HTR2C: variants seen among roughly 807,000 people sequenced by gnomAD.
HTR2C encodes the protein 5-hydroxytryptamine receptor 2C.
Under a neutral mutation model 21.0 loss-of-function variants are expected in HTR2C, and 5 were observed. The ratio of observed to expected loss-of-function variants is 0.24; its 90% CI spans 0.12 to 0.50. The LOEUF is 0.50. HTR2C is among the 20% of genes least tolerant of loss of function. The pLI is 0.98. For synonymous variants in HTR2C, 150 were observed against 145.3 expected (o/e 1.03, Z -0.23); for missense variants, 271 against 371.2 (o/e 0.73, Z 2.22).
intron 4 of HTR2C, among the ~76,000 whole-genome samples, chrX:114,780,137 C>T (rs782765499): frequency 5.4e-5 from 6 of 111,546 alleles, no homozygotes; most frequent in South Asian, 3.8e-4. Flanking sequence ...TACAAGAGGA[C>T]GTGCATCAGT....
At chrX:114,715,385 A>T (rs1932973169) in intron 2 of HTR2C, 1 of 357,686 alleles carries the variant, frequency 2.8e-6, no homozygotes, top group Admixed American at 2.8e-5. Flanking sequence ...TTATAAAGTG[A>T]AAAGTTTGTG....
At chrX:114,707,236 C>A (rs1179263120) in intron 2 of HTR2C, among the ~76,000 whole-genome samples, 4 of 110,330 alleles carry the variant, frequency 3.6e-5, no homozygotes, top group African/African-American at 1.3e-4. Flanking sequence ...AAAGGCATTT[C>A]TATTCAAAAT....
intron 2 of HTR2C, among the ~76,000 whole-genome samples, chrX:114,698,563 CATTAAAGGAAAATATTAATTT>C (rs1268692172): frequency 9.0e-6 from 1 of 111,204 alleles, no homozygotes; most frequent in Non-Finnish European, 1.9e-5. Context: ...TCTTGTATTT[CATTAAAGGAAAATATTAATTT>C]AACTTAAAAA....
chrX:114,648,875 G>A (rs1220889359), intron 2 of HTR2C, among the ~76,000 whole-genome samples: 2 of 111,885 alleles, frequency 1.8e-5, no homozygotes, highest in South Asian at 3.7e-4. Context: ...AGAGACATGA[G>A]TGCTATATTA....
At chrX:114,585,438 G>A (rs1927350318) in intron 1 of HTR2C, among the ~76,000 whole-genome samples, 1 of 111,399 alleles carries the variant, frequency 9.0e-6, no homozygotes, top group Non-Finnish European at 1.9e-5. Context: ...TTGCGAAAAA[G>A]TCTCCAGCGC....
rs1307067816 is a variant in HTR2C at position 114,756,865 on chromosome X, T to G, written c.349+25258T>G. On this transcript the variant is annotated intron_variant, in intron 4 of 5. Coordinates refer to ENST00000276198, the MANE Select transcript of HTR2C (RefSeq NM_000868.4). The stretch of plus-strand genomic sequence containing the variant: ...GGGCACATGTGATCTCTCGGCATAA[T>G]TTATTGCAACTAACTGCATGTCAAT... 2.2e-4 allele frequency among the ~76,000 whole-genome samples: 25 copies of G among 111,195 alleles called. No individual in the cohort carries two copies. In the Admixed American group the frequency reaches 2.4e-3, roughly 11 times the overall value.
At chrX:114,877,692 T>C (rs2071149599) in intron 5 of HTR2C, among the ~76,000 whole-genome samples, 1 of 110,967 alleles carries the variant, frequency 9.0e-6, no homozygotes, top group Non-Finnish European at 1.9e-5. Flanking sequence ...TTTAAATTTC[T>C]TTTTTATTTC....
chrX:114,652,574 T>C (rs77821178), intron 2 of HTR2C: 43 of 308,251 alleles, frequency 1.4e-4, no homozygotes, highest in Non-Finnish European at 2.5e-4. Flanking sequence ...ATTATCAAAC[T>C]GAAAATTATG....
At chrX:114,788,928 C>T (rs782071347) in intron 4 of HTR2C, among the ~76,000 whole-genome samples, 74 of 111,914 alleles carry the variant, frequency 6.6e-4, no homozygotes, top group African/African-American at 2.3e-3. Flanking sequence ...GGATTACAGG[C>T]ATGAGGCACC....
At position 114,691,813 on chromosome X, in the gene HTR2C, G is replaced by A. The variant is rs782713821; in HGVS notation, c.-79-35045G>A. ...TCATAAAATGTGTTCATCCCAGATG[G>A]CCACTGCTTCTTAGAAAAAAAATAA... On this transcript the variant is annotated intron_variant, in intron 2 of 5. Coordinates refer to ENST00000276198, the MANE Select transcript of HTR2C (RefSeq NM_000868.4). Among the ~76,000 whole-genome samples, 4 of 111,295 alleles carry A rather than the reference G, an allele frequency of 3.6e-5. No individual in the cohort carries two copies. The East Asian group carries it at 1.1e-3, about 31-fold the overall frequency.
chrX:114,880,228 G>C (rs1346427133), intron 5 of HTR2C, among the ~76,000 whole-genome samples: 4 of 110,011 alleles, frequency 3.6e-5, no homozygotes, highest in African/African-American at 1.3e-4. Flanking sequence ...CCTCTCCCCA[G>C]CTCCTAGCAA....
At chrX:114,731,688 T>C in intron 4 of HTR2C, 81 bp downstream of exon 4, 1 of 733,689 alleles carries the variant, frequency 1.4e-6, no homozygotes, top group Non-Finnish European at 2.0e-6. Context: ...AAGTTAATTA[T>C]TTTACTTGTA....
At chrX:114,633,923 T>C (rs1453222834) in intron 2 of HTR2C, among the ~76,000 whole-genome samples, 2 of 70,162 alleles carry the variant, frequency 2.9e-5, no homozygotes, top group African/African-American at 1.0e-4. Context: ...GTTAAATATA[T>C]ATGCATGTGT....
chrX:114,694,747 GC>G, intron 2 of HTR2C, among the ~76,000 whole-genome samples: 1 of 109,966 alleles, frequency 9.1e-6, no homozygotes, highest in East Asian at 2.8e-4. Flanking sequence ...GCCCACCTCA[GC>G]CTCCCAAAGT....
intron 4 of HTR2C, among the ~76,000 whole-genome samples, chrX:114,760,542 A>G (rs782673633): frequency 2.7e-5 from 3 of 111,235 alleles, no homozygotes; most frequent in African/African-American, 9.8e-5. Flanking sequence ...TTTGAGACAG[A>G]TTCTTACTCT....
intron 4 of HTR2C, chrX:114,775,837 G>T: frequency 1.6e-5 from 6 of 384,133 alleles, no homozygotes; most frequent in Non-Finnish European, 2.8e-5. Context: ...TTTATACAGG[G>T]CCAAGGGTGC....
At position 114,894,340 on chromosome X, in the gene HTR2C, G is replaced by C. The variant is rs5988155; in HGVS notation, c.551-12249G>C. 5.0e-3 allele frequency among the ~76,000 whole-genome samples: 562 copies of C among 111,726 alleles called. 1 individual carries two copies. The highest frequency in any genetic ancestry group is 0.017 in the African/African-American group (527 of 30,756). ...ATTTACAATAGAAAGAAAAACTAGT[G>C]ACACAACCAAAAATATGGGTGAAGT... On this transcript the variant is annotated intron_variant, in intron 5 of 5. Transcript: ENST00000276198.
At chrX:114,741,524 T>TA (rs782206973) in intron 4 of HTR2C, among the ~76,000 whole-genome samples, 159 of 4,890 alleles carry the variant, frequency 0.033, 16 homozygotes, top group Non-Finnish European at 0.056. Context: ...CGACTCCGTC[T>TA]AAAAAAAAAA....
chrX:114,812,450 C>T (rs2070541324), intron 4 of HTR2C, among the ~76,000 whole-genome samples: 1 of 110,718 alleles, frequency 9.0e-6, no homozygotes, highest in Non-Finnish European at 1.9e-5. Context: ...CTATCTTGGG[C>T]CGGGCTCGGT....
Sources: allele counts gnomAD v4.1 joint callset (sites outside exome capture counted in the v4.1 genomes callset), GRCh38; gene constraint gnomAD v4.1.1; transcripts MANE v1.5; gene names NCBI Gene and HGNC (gene_info 2026-07-23, HGNC 2026-07-21).